The following PPHLN1 variants were observed in gnomAD, a reference collection of about 807,000 sequenced individuals.
The protein encoded by PPHLN1 is periphilin 1, also known as periphilin-1.
Under a neutral mutation model 51.3 loss-of-function variants are expected in PPHLN1, and 29 were observed. The observed-to-expected ratio is 0.57, with a 90% CI of 0.42 to 0.77. The LOEUF (loss-of-function observed/expected upper bound fraction) is 0.77. Among genes scored for constraint, PPHLN1 ranks in the 30% least tolerant of loss-of-function variants. The pLI is 0.00. For missense variants in PPHLN1, 436 were observed against 438.4 expected, an observed-to-expected ratio of 0.99 and a Z score of 0.05; for synonymous variants, 147 against 147.8, an observed-to-expected ratio of 0.99 and a Z score of 0.04.
intron 4 of PPHLN1, among the ~76,000 whole-genome samples, chr12:42,370,192 A>C (rs1163120367): frequency 6.6e-6 from 1 of 152,236 alleles, no homozygotes; most frequent in Non-Finnish European, 1.5e-5. Context: ...CCTTATGCAG[A>C]ATCCTGAGTC....
chr12:42,437,446 T>C (rs980536477), intron 9 of PPHLN1, among the ~76,000 whole-genome samples: 1 of 152,246 alleles, frequency 6.6e-6, no homozygotes, highest in Admixed American at 6.5e-5. Context: ...CTGTAGGTAC[T>C]GAAACTCGGG....
intron 2 of PPHLN1, among the ~76,000 whole-genome samples, chr12:42,346,557 G>A (rs963847229): frequency 6.6e-6 from 1 of 152,268 alleles, no homozygotes; most frequent in South Asian, 2.1e-4. Context: ...ATGGAAGTGT[G>A]AATATCTTGA....
chr12:42,421,409 C>T (rs929849864), intron 9 of PPHLN1, among the ~76,000 whole-genome samples: 1 of 151,996 alleles, frequency 6.6e-6, no homozygotes, highest in Admixed American at 6.6e-5. Context: ...TACAGTGGTC[C>T]GTTCTTGCCT....
chr12:42,342,077 A>G (rs1015502339), intron 2 of PPHLN1, among the ~76,000 whole-genome samples: 1 of 152,150 alleles, frequency 6.6e-6, no homozygotes, highest in African/African-American at 2.4e-5. Flanking sequence ...TGCTTCTTCT[A>G]TAGGAAGGAA....
intron 2 of PPHLN1, 89 bp from the exon 3 acceptor site, chr12:42,351,796 G>A: frequency 9.5e-7 from 1 of 1,053,726 alleles, no homozygotes; most frequent in Non-Finnish European, 1.3e-6. Context: ...ATTCGATTAA[G>A]GGTAAGAACT....
chr12:42,416,706 C>T (rs1266630833), intron 9 of PPHLN1, among the ~76,000 whole-genome samples: 1 of 152,198 alleles, frequency 6.6e-6, no homozygotes, highest in Admixed American at 6.5e-5. Flanking sequence ...GCACTAACCA[C>T]TCAGAGTTAG....
chr12:42,446,747 G>A (rs186899228), downstream of PPHLN1: 141 of 1,209,614 alleles, frequency 1.2e-4, 3 homozygotes, highest in South Asian at 2.3e-3. Context: ...AAGGAAAGAC[G>A]CAATTGGAAG....
intron 9 of PPHLN1, among the ~76,000 whole-genome samples, chr12:42,408,540 A>G (rs142522554): frequency 6.6e-6 from 1 of 152,326 alleles, no homozygotes; most frequent in East Asian, 1.9e-4. Flanking sequence ...TTTAGTAGTT[A>G]GGTAAGTAGC....
chr12:42,359,408 A>C (rs1170169436), intron 4 of PPHLN1: 1 of 152,242 alleles, frequency 6.6e-6, no homozygotes, highest in Non-Finnish European at 1.5e-5. Context: ...ATATTTAACA[A>C]ATAACAAAAC....
chr12:42,431,588 A>G (rs534366297), intron 9 of PPHLN1: 9 of 660,878 alleles, frequency 1.4e-5, no homozygotes, highest in Non-Finnish European at 2.5e-5. Context: ...GGCGATCCAT[A>G]TTCTATCTTT....
At chr12:42,446,095 C>T (rs1478799431), downstream of PPHLN1, 10 of 1,552,602 alleles carry the variant, frequency 6.4e-6, no homozygotes, top group East Asian at 2.2e-4. Flanking sequence ...CCCCGCAGCC[C>T]CTGCAGCCCC....
At chr12:42,430,273 A>G (rs2081920513) in intron 9 of PPHLN1, among the ~76,000 whole-genome samples, 1 of 150,310 alleles carries the variant, frequency 6.7e-6, no homozygotes, top group South Asian at 2.1e-4. Context: ...ACACACCCCT[A>G]CAGTCACACA....
chr12:42,345,026 A>T (rs1482775629), intron 2 of PPHLN1, among the ~76,000 whole-genome samples: 1 of 152,102 alleles, frequency 6.6e-6, no homozygotes, highest in African/African-American at 2.4e-5. Flanking sequence ...GAAAAATTTG[A>T]TACAGATTTT....
At chr12:42,392,907 AT>A (rs1565920098) in intron 7 of PPHLN1, among the ~76,000 whole-genome samples, 1 of 152,122 alleles carries the variant, frequency 6.6e-6, no homozygotes, top group Non-Finnish European at 1.5e-5. Flanking sequence ...ATTAACCCCT[AT>A]TTTGTAAATG....
intron 2 of PPHLN1, among the ~76,000 whole-genome samples, chr12:42,344,945 A>G (rs2072067802): frequency 6.6e-6 from 1 of 151,976 alleles, no homozygotes; most frequent in Non-Finnish European, 1.5e-5. Flanking sequence ...CCTGGCCTCA[A>G]ACTGATCTGC....
At chr12:42,327,360 G>C (rs770430409) in intron 1 of PPHLN1, among the ~76,000 whole-genome samples, 13 of 152,274 alleles carry the variant, frequency 8.5e-5, no homozygotes, top group Admixed American at 1.3e-4. Context: ...TTTCCTGCCA[G>C]CCATTTCAGT....
At position 42,355,100 on chromosome 12, in the gene PPHLN1, A is replaced by T. The variant is rs544851943; in HGVS notation, c.238-61A>T. On this transcript the variant is annotated intron_variant, in intron 3 of 9. Coordinates refer to ENST00000358314, the MANE Select transcript of PPHLN1 (RefSeq NM_201439.2). Reference sequence around the variant, plus strand: ...GTCTAGTTTCTGGTAGTATTGTTAGATATGTCCCACTTGTCCAAAATAATG... The same window carrying T: ...GTCTAGTTTCTGGTAGTATTGTTAGTTATGTCCCACTTGTCCAAAATAATG... 111 of 1,477,722 alleles carry T rather than the reference A, an allele frequency of 7.5e-5. No homozygotes were observed. The South Asian group carries it at 1.0e-3, about 13-fold the overall frequency. The allele number at this position is 1,477,722 out of a possible 1,614,324, so 91.5% of individuals were successfully genotyped here. A position where few individuals can be genotyped will look rare whatever the true frequency, so the allele number is the denominator to read the frequency against.
At chr12:42,446,120 C>T (rs767120233), downstream of PPHLN1, 34 of 1,561,400 alleles carry the variant, frequency 2.2e-5, no homozygotes, top group African/African-American at 5.4e-5. Context: ...GAAACGGGTT[C>T]GTCGGACGAC....
intron 8 of PPHLN1, 69 bp from the exon 9 acceptor site, chr12:42,398,785 A>G (rs923021133): frequency 4.8e-5 from 71 of 1,469,492 alleles, no homozygotes; most frequent in Admixed American, 3.2e-4. Flanking sequence ...GTTAGTGCCT[A>G]TACACAACCA....
Sources: allele counts gnomAD v4.1 joint callset (sites outside exome capture counted in the v4.1 genomes callset), GRCh38; gene constraint gnomAD v4.1.1; transcripts MANE v1.5; gene names NCBI Gene and HGNC (gene_info 2026-07-23, HGNC 2026-07-21).